Variants in ATP6V1B1 observed in about 807,000 individuals in gnomAD.
ATP6V1B1 encodes the protein V-type proton ATPase subunit B, kidney isoform.
ATP6V1B1 carries 41 observed loss-of-function variants against 62.1 expected under a neutral mutation model. The observed-to-expected ratio is 0.66, with a 90% CI of 0.51 to 0.86. The LOEUF (loss-of-function observed/expected upper bound fraction) is 0.86. Among genes scored for constraint, ATP6V1B1 ranks in the 40% least tolerant of loss-of-function variants. ATP6V1B1 has a pLI of 0.00. For missense variants in ATP6V1B1, 651 were observed against 697.5 expected, an observed-to-expected ratio of 0.93 and a Z score of 0.75; for synonymous variants, 253 against 273.4, an observed-to-expected ratio of 0.93 and a Z score of 0.74.
rs1465488931 is a variant in ATP6V1B1, at chr2:70,960,918, T to C, written c.586-3T>C. ...TCCTCCTGCCCAATCCACTCTGCCC[T>C]AGATTGCCGCTCAGATCTGCCGCCA... is the stretch of plus-strand genomic sequence containing the variant. On this transcript the variant is annotated splice_polypyrimidine_tract_variant and splice_region_variant and intron_variant, in intron 6 of 13. Transcript: ENST00000234396. 5 of 1,603,428 alleles carry C rather than the reference T, an allele frequency of 3.1e-6. No individual in the cohort carries two copies. The highest frequency in any genetic ancestry group is 2.3e-5 in the East Asian group (1 of 44,368).
At chr2:70,949,145 C>A (rs186570397) in intron 2 of ATP6V1B1, among the ~76,000 whole-genome samples, 2 of 152,338 alleles carry the variant, frequency 1.3e-5, no homozygotes, top group Admixed American at 6.5e-5. Context: ...CCCCGAAAGA[C>A]CCTGCTGAAT....
In ATP6V1B1 at chr2:70,936,051, T is replaced by A; in HGVS notation, c.97T>A (p.Tyr33Asn). 6.2e-7 allele frequency: 1 copy of A among 1,613,820 alleles called. No individual in the cohort carries two copies. Among genetic ancestry groups the A allele is most frequent in the Non-Finnish European group, 8.5e-7 (1 of 1,179,824 alleles). ...ACACATGCAGGCGGTCACCCGAAACTACATCACCCACCCCCGTGTCAGTGA... is the reference window on the plus strand; with the variant it reads ...ACACATGCAGGCGGTCACCCGAAACAACATCACCCACCCCCGTGTCAGTGA... ...REHMQAVTRN[Y>N]ITHPRVTYRT... Residue 33 changes from tyrosine (Y) to asparagine (N), a missense_variant, in exon 1 of 14, where the codon TAC (tyrosine) becomes AAC (asparagine). Tyr to Asn is a moderately radical substitution (Grantham distance 143, BLOSUM62 -2). Transcript: ENST00000234396.
At chr2:70,961,355 G>T (rs1036585989) in intron 7 of ATP6V1B1, among the ~76,000 whole-genome samples, 1 of 152,198 alleles carries the variant, frequency 6.6e-6, no homozygotes, top group African/African-American at 2.4e-5. Context: ...ACTGAGCAGA[G>T]CTGGACTTAA....
At chr2:70,946,823 C>G (rs1448053460) in intron 2 of ATP6V1B1, among the ~76,000 whole-genome samples, 1 of 152,168 alleles carries the variant, frequency 6.6e-6, no homozygotes, top group African/African-American at 2.4e-5. Context: ...TACAGGTGTC[C>G]ATTTTCTCCA....
intron 8 of ATP6V1B1, 35 bp downstream of exon 8, chr2:70,961,728 TG>T: frequency 6.3e-7 from 1 of 1,597,306 alleles, no homozygotes. Flanking sequence ...TGCCCTCAGG[TG>T]GGCAGACCCC....
Position 70,965,244 on chromosome 2 carries a change from T to C in ATP6V1B1, c.*123T>C. On this transcript the variant is annotated 3_prime_UTR_variant, in exon 14 of 14. Transcript: ENST00000234396. ...CCTCCGCCCTCCGCTGGCTCCGAGG[T>C]GGTGGGGGCGCCGCACGCTCCATCC... The C allele has an allele frequency of 1.4e-6, 2 of 1,389,578 alleles. No homozygotes were observed. The allele number at this position is 1,389,578 out of a possible 1,614,324, so 86.1% of individuals were successfully genotyped here.
At chr2:70,941,450 C>A (rs782353950) in intron 1 of ATP6V1B1, 3 of 983,672 alleles carry the variant, frequency 3.0e-6, no homozygotes, top group South Asian at 4.7e-5. Context: ...GGGGCTGGCA[C>A]CCCTTGACCC....
At chr2:70,950,020 C>T (rs1158519866) in intron 2 of ATP6V1B1, among the ~76,000 whole-genome samples, 1 of 152,044 alleles carries the variant, frequency 6.6e-6, no homozygotes, top group Non-Finnish European at 1.5e-5. Flanking sequence ...ATTTTTTTTA[C>T]ATGCCTGGAA....
chr2:70,965,160 TACCCTCG>T lies in ATP6V1B1; in HGVS notation c.*40_*46del. On this transcript the variant is annotated 3_prime_UTR_variant, in exon 14 of 14. Transcript: ENST00000234396. ...GGCACCCCAACACCGGCAGGGAACC[TACCCTCG>T]GCTCCCGGGTCTCCCCTCCCTCGCC... is the stretch of plus-strand genomic sequence containing the variant. 6.3e-7 allele frequency: 1 copy of T among 1,598,382 alleles called. No homozygotes were observed. Among genetic ancestry groups the T allele is most frequent in the Non-Finnish European group, 8.5e-7 (1 of 1,178,452 alleles).
chr2:70,943,275 G>A (rs954279390), intron 1 of ATP6V1B1: 13 of 419,548 alleles, frequency 3.1e-5, no homozygotes, highest in Non-Finnish European at 5.0e-5. Context: ...GGCACTTTTC[G>A]GCCACAGCCG....
chr2:70,943,894 C>G, intron 2 of ATP6V1B1, 181 bp downstream of exon 2: 1 of 821,676 alleles, frequency 1.2e-6, no homozygotes. Flanking sequence ...GCCGTCCAAG[C>G]TTTCTCCTCC....
chr2:70,938,908 ACT>A (rs1679919639), intron 1 of ATP6V1B1: 1 of 586,602 alleles, frequency 1.7e-6, no homozygotes, highest in African/African-American at 2.0e-5. Context: ...GTGCCAAACC[ACT>A]GTCTTTGCCT....
chr2:70,941,751 G>A (rs3771385), intron 1 of ATP6V1B1: 510,560 of 985,624 alleles, frequency 0.52, 132,561 homozygotes, highest in East Asian at 0.66. Context: ...CAGAGGAAAG[G>A]AGAGGAAGAA....
chr2:70,963,420 T>C lies in ATP6V1B1; in HGVS notation c.1060+108T>C. 1 of 1,565,598 alleles carries C rather than the reference T, an allele frequency of 6.4e-7. No homozygotes were observed. Among genetic ancestry groups the C allele is most frequent in the Non-Finnish European group, 8.8e-7 (1 of 1,139,540 alleles). ...TTGCACAGATGTGCAGCAGCGCTTTTCCTCCATCGAGATAGACACTGCCCT... is the reference window on the plus strand; with the variant it reads ...TTGCACAGATGTGCAGCAGCGCTTTCCCTCCATCGAGATAGACACTGCCCT... On this transcript the variant is annotated intron_variant, in intron 10 of 13. Coordinates refer to ENST00000234396, the MANE Select transcript of ATP6V1B1 (RefSeq NM_001692.4). This position sits in a 1 kb window ranked among gnomAD's most constrained non-coding sequence, Gnocchi z 4.3.
At position 70,963,726 on chromosome 2, in the gene ATP6V1B1, C is replaced by T; in HGVS notation, c.1143+72C>T. On this transcript the variant is annotated intron_variant, in intron 11 of 13. Transcript: ENST00000234396. The surrounding 1 kb of genome is among the most constrained non-coding windows in gnomAD (Gnocchi z 4.3). ...ACTGAGGAACAGATGTTTCACTGCC[C>T]CCAGGCATGAATTAGGAGGGGCCAG... 1 of 1,539,732 alleles carries T rather than the reference C, an allele frequency of 6.5e-7. No homozygotes were observed. The highest frequency in any genetic ancestry group is 1.4e-5 in the African/African-American group (1 of 73,296).
rs1680117270 is a variant in ATP6V1B1, at chr2:70,944,884, G to A, written c.174+1171G>A. On this transcript the variant is annotated intron_variant, in intron 2 of 13. Coordinates refer to ENST00000234396, the MANE Select transcript of ATP6V1B1 (RefSeq NM_001692.4). ...GGGTTTCCCCGTGTTAGCCAGGATG[G>A]TCTCGATCTCTTGACCTGGTGATCC... 2.6e-5 allele frequency among the ~76,000 whole-genome samples: 4 copies of A among 152,072 alleles called. No homozygotes were observed. In the South Asian group the frequency reaches 8.3e-4, roughly 32 times the overall value.
chr2:70,936,620 C>T (rs4852732), intron 1 of ATP6V1B1, among the ~76,000 whole-genome samples: 117,573 of 151,970 alleles, frequency 0.77, 46,263 homozygotes, highest in African/African-American at 0.93. Flanking sequence ...GGAGCATGTG[C>T]CTAGGGGGTG....
rs886056273 is a variant in ATP6V1B1 at position 70,964,717 on chromosome 2, CGCCTT to C, written c.1249-15_1249-11del. On this transcript the variant is annotated splice_polypyrimidine_tract_variant and intron_variant, in intron 12 of 13. Transcript: ENST00000234396. ...GTGGTAAGCCCGCAGCGGCCACCGA[CGCCTT>C]GCCCCTCCCCCAGTACGCCTGCTAT... 4 of 1,613,088 alleles carry C rather than the reference CGCCTT, an allele frequency of 2.5e-6. No homozygotes were observed. The East Asian group carries it at 8.9e-5, about 36-fold the overall frequency.
rs1553420842 is a variant in ATP6V1B1, at chr2:70,965,077, C to G, written c.1498C>G (p.Arg500Gly). The change falls in exon 14 of 14, where the codon CGC becomes GGC. Residue 500 changes from arginine to glycine, a missense_variant. Physicochemically the swap from Arg to Gly is moderately radical, Grantham distance 125. Coordinates refer to ENST00000234396, the MANE Select transcript of ATP6V1B1 (RefSeq NM_001692.4). ...PQAVIDEFYS[R>G]EGALQDLAPD... Reference sequence around the variant, plus strand: ...GGCCGTGATCGACGAGTTCTATTCCCGCGAGGGGGCGCTGCAGGACCTCGC... The same window carrying G: ...GGCCGTGATCGACGAGTTCTATTCCGGCGAGGGGGCGCTGCAGGACCTCGC... 2.5e-6 allele frequency: 4 copies of G among 1,612,962 alleles called. No homozygotes were observed. In the South Asian group the frequency reaches 4.4e-5, roughly 18 times the overall value.
Sources: allele counts gnomAD v4.1 joint callset (sites outside exome capture counted in the v4.1 genomes callset), GRCh38; gene constraint gnomAD v4.1.1; non-coding constraint Gnocchi (gnomAD v3.1); transcripts MANE v1.5; gene names NCBI Gene and HGNC (gene_info 2026-07-23, HGNC 2026-07-21).